BEND2: variants seen among roughly 807,000 people sequenced by gnomAD.
BEND2 encodes BEN domain containing 2, also known as BEN domain-containing protein 2.
A neutral mutation model predicts 43.8 loss-of-function variants in BEND2; 19 were observed. That is an observed-to-expected ratio of 0.43 (90% CI 0.30 to 0.64). The LOEUF (loss-of-function observed/expected upper bound fraction) is 0.64. Among genes scored for constraint, BEND2 ranks in the 30% least tolerant of loss-of-function variants. The pLI, the probability that BEND2 is intolerant of heterozygous loss-of-function variation, is 0.11. For synonymous variants in BEND2, 226 were observed against 210.1 expected, an observed-to-expected ratio of 1.08 and a Z score of -0.66; for missense variants, 544 against 574.0, an observed-to-expected ratio of 0.95 and a Z score of 0.53.
intron 8 of BEND2, among the ~76,000 whole-genome samples, chrX:18,188,931 T>C (rs1012703428): frequency 2.7e-5 from 3 of 112,254 alleles, no homozygotes; most frequent in East Asian, 5.6e-4. Flanking sequence ...CCGGGTGCAG[T>C]GGCTCACGCC....
chrX:18,186,284 C>A lies in BEND2; in HGVS notation c.1288+4717G>T, dbSNP rs779266443. On this transcript the variant is annotated intron_variant, in intron 8 of 13. Coordinates refer to ENST00000380033, the MANE Select transcript of BEND2 (RefSeq NM_153346.5). ...ACCAGCCTGGCCAACATGGTGAAACCCCGACTCCACTAAAAATACAAAAAG... is the reference window on the plus strand; with the variant it reads ...ACCAGCCTGGCCAACATGGTGAAACACCGACTCCACTAAAAATACAAAAAG... Among the ~76,000 whole-genome samples the A allele has an allele frequency of 2.4e-3, 263 of 109,586 alleles. 1 individual carries two copies. Among genetic ancestry groups the A allele is most frequent in the African/African-American group, 8.5e-3 (257 of 30,099 alleles).
chrX:18,166,116 C>T (rs1164630072), intron 13 of BEND2, among the ~76,000 whole-genome samples: 1 of 112,105 alleles, frequency 8.9e-6, no homozygotes, highest in East Asian at 2.8e-4. Context: ...TGGTATGTCA[C>T]TGGATTCAGT....
chrX:18,183,042 CAAAAAAAAAAAA>C (rs56812732), intron 8 of BEND2, among the ~76,000 whole-genome samples: 14 of 40,787 alleles, frequency 3.4e-4, no homozygotes, highest in African/African-American at 1.4e-3. Flanking sequence ...ACTCTGTCTC[CAAAAAAAAAAAA>C]AAAAAAAAAA....
At chrX:18,191,604 AAAACCAGG>A (rs1245917875) in intron 7 of BEND2, among the ~76,000 whole-genome samples, 1 of 112,366 alleles carries the variant, frequency 8.9e-6, no homozygotes, top group Non-Finnish European at 1.9e-5. Flanking sequence ...TCTAATAGCC[AAAACCAGG>A]AAACAACCTA....
intron 4 of BEND2, among the ~76,000 whole-genome samples, chrX:18,208,259 G>T (rs909545471): frequency 9.0e-6 from 1 of 110,564 alleles, no homozygotes; most frequent in African/African-American, 3.3e-5. Flanking sequence ...AGGCCGGGGC[G>T]GGTGGATCAC....
intron 7 of BEND2, among the ~76,000 whole-genome samples, chrX:18,194,972 AAC>A (rs201244726): frequency 0.11 from 11,161 of 98,815 alleles, 1,497 homozygotes; most frequent in African/African-American, 0.37. Context: ...CATAGTACTA[AAC>A]ACACACACAC....
In BEND2 at chrX:18,201,904, C is replaced by A. The variant is rs777008319; in HGVS notation, c.944G>T (p.Ser315Ile). 8.3e-7 allele frequency: 1 copy of A among 1,208,747 alleles called. No homozygotes were observed. Among genetic ancestry groups the A allele is most frequent in the Non-Finnish European group, 1.1e-6 (1 of 894,516 alleles). Residue 315 changes from serine (S) to isoleucine (I), a missense_variant, in exon 6 of 14, where the codon AGC (serine) becomes ATC (isoleucine). Physicochemically the swap from Ser to Ile is moderately radical, Grantham distance 142. Coordinates refer to ENST00000380033, the MANE Select transcript of BEND2 (RefSeq NM_153346.5). Reference sequence around the variant, plus strand: ...AGTTGGATAATTCGCTGTCTCAGTGCTGTTTTTACTGCTGTTTGCTGGTCT... The same window carrying A: ...AGTTGGATAATTCGCTGTCTCAGTGATGTTTTTACTGCTGTTTGCTGGTCT... ...PERPANSSKNSTETANYPTLM... is the reference protein window; with the variant it reads ...PERPANSSKNITETANYPTLM...
chrX:18,212,092 C>CTTTTTTTT (rs758303697), intron 4 of BEND2, among the ~76,000 whole-genome samples: 4 of 71,051 alleles, frequency 5.6e-5, no homozygotes, highest in African/African-American at 1.5e-4. Flanking sequence ...TTATTACTGT[C>CTTTTTTTT]TTTTTTTTTT....
At chrX:18,210,800 G>A (rs1925478915) in intron 4 of BEND2, among the ~76,000 whole-genome samples, 1 of 111,590 alleles carries the variant, frequency 9.0e-6, no homozygotes, top group African/African-American at 3.3e-5. Context: ...TAAACAGACA[G>A]TAAATAACCA....
chrX:18,201,746 C>G, intron 6 of BEND2, 69 bp downstream of exon 6: 2 of 1,099,258 alleles, frequency 1.8e-6, no homozygotes, highest in African/African-American at 1.9e-5. Context: ...ACCCGCCTCA[C>G]CCTCCCAAAG....
chrX:18,177,628 A>G lies in BEND2; in HGVS notation c.1571T>C (p.Val524Ala), dbSNP rs771275423. The G allele has an allele frequency of 8.3e-7, 1 of 1,209,499 alleles. No individual in the cohort carries two copies. The highest frequency in any genetic ancestry group is 1.8e-5 in the South Asian group (1 of 56,713). Reference sequence around the variant, plus strand: ...TTGGCTGTCTTTCAAATGGATATCCACTGAGCTGCTAATCAGGATTTCCTT... The same window carrying G: ...TTGGCTGTCTTTCAAATGGATATCCGCTGAGCTGCTAATCAGGATTTCCTT... Reference protein sequence around the residue: ...FSKEILISSSVDIHLKDSQSL... With the variant: ...FSKEILISSSADIHLKDSQSL... The change falls in exon 10 of 14, where the codon GTG (valine) becomes GCG (alanine). Residue 524 changes from valine to alanine, a missense_variant. Around this residue, in one of 2 missense-constraint regions of BEND2, gnomAD observed 501 missense variants for 501.6 expected, o/e 1.00. Coordinates refer to ENST00000380033, the MANE Select transcript of BEND2 (RefSeq NM_153346.5).
chrX:18,215,584 G>T (rs1218945273), intron 2 of BEND2, among the ~76,000 whole-genome samples: 1 of 111,511 alleles, frequency 9.0e-6, no homozygotes, highest in African/African-American at 3.3e-5. Context: ...AAAAATTATA[G>T]GAAATTCAAA....
chrX:18,204,484 T>C (rs1275102612), intron 4 of BEND2, among the ~76,000 whole-genome samples: 1 of 112,445 alleles, frequency 8.9e-6, no homozygotes, highest in East Asian at 2.8e-4. Flanking sequence ...ACAAAGACGG[T>C]CAACCTGCAT....
At position 18,203,711 on chromosome X, in the gene BEND2, G is replaced by A. The variant is rs1247757562; in HGVS notation, c.697C>T (p.Pro233Ser). 6 of 1,210,812 alleles carry A rather than the reference G, an allele frequency of 5.0e-6. No individual in the cohort carries two copies. The highest frequency in any genetic ancestry group is 2.3e-4 in the Middle Eastern group (1 of 4,352). ...QGGSFPCFGM[P>S]WNFISGGAES... ...GCACCTCCACTGATAAAGTTCCATG[G>A]CATACCGAAACAAGGAAATGAGCCA... Residue 233 changes from proline to serine, a missense_variant, in exon 5 of 14, where the codon CCA (proline) becomes TCA (serine). Around this residue, in one of 2 missense-constraint regions of BEND2, gnomAD observed 501 missense variants for 501.6 expected, o/e 1.00. Transcript: ENST00000380033.
chrX:18,203,760 T>C lies in BEND2; in HGVS notation c.648A>G (p.Ser216=). The change falls in exon 5 of 14, where the codon TCA becomes TCG. Residue 216 remains serine (S), a synonymous_variant. Coordinates refer to ENST00000380033, the MANE Select transcript of BEND2 (RefSeq NM_153346.5). ...CACCTTGTGCGACATACTGCTGTAA[T>C]GAACTTGAGGAGACAATTCTGGGAT... ...LSYPRIVSSS[S]LQQYVAQGGS... 1 of 1,211,670 alleles carries C rather than the reference T, an allele frequency of 8.3e-7. No individual in the cohort carries two copies. The highest frequency in any genetic ancestry group is 1.1e-6 in the Non-Finnish European group (1 of 895,291).
chrX:18,187,991 T>C (rs1274117183), intron 8 of BEND2, among the ~76,000 whole-genome samples: 1 of 110,142 alleles, frequency 9.1e-6, no homozygotes, highest in Non-Finnish European at 1.9e-5. Context: ...CAAATGGTAA[T>C]GGAAACACAA....
chrX:18,179,491 A>G (rs766203448), intron 9 of BEND2, among the ~76,000 whole-genome samples: 3 of 110,592 alleles, frequency 2.7e-5, no homozygotes, highest in Non-Finnish European at 3.8e-5. Context: ...AATTTCTTCT[A>G]GTTTGAGTAA....
chrX:18,193,329 A>AAAAAGAAAAGAAAAGAAAAG (rs75007771), intron 7 of BEND2, among the ~76,000 whole-genome samples: 10 of 100,666 alleles, frequency 9.9e-5, no homozygotes, highest in Middle Eastern at 5.1e-3. Flanking sequence ...TCTGTCTCAC[A>AAAAAGAAAAGAAAAGAAAAG]AAAAGAAAAG....
chrX:18,177,764 G>T lies in BEND2; in HGVS notation c.1435C>A (p.Leu479Ile). 8.3e-7 allele frequency: 1 copy of T among 1,205,120 alleles called. No individual in the cohort carries two copies. The highest frequency in any genetic ancestry group is 1.1e-6 in the Non-Finnish European group (1 of 890,091). ...CTGACATTTCTTTTTGGATCACCAAGATAGCCTTTAAAAATAAAGAGAAAA... is the reference window on the plus strand; with the variant it reads ...CTGACATTTCTTTTTGGATCACCAATATAGCCTTTAAAAATAAAGAGAAAA... ...SVCIPPKYGY[L>I]GDPKRNVRVL... The change falls in exon 10 of 14, where the codon CTT (leucine) becomes ATT (isoleucine). Residue 479 changes from leucine (L) to isoleucine (I), a missense_variant. This residue lies in a region of BEND2 where 501 missense variants were observed against 501.6 expected (regional missense o/e 1.00). Coordinates refer to ENST00000380033, the MANE Select transcript of BEND2 (RefSeq NM_153346.5).
Sources: gnomAD v4.1 joint callset for allele counts (sites outside exome capture counted in the v4.1 genomes callset) on GRCh38, gnomAD v4.1.1 for gene constraint, gnomAD v4.1.1 regional missense constraint, MANE v1.5 for transcripts, NCBI Gene and HGNC (gene_info 2026-07-23, HGNC 2026-07-21) for gene names.